The following ANXA8 variants were observed in gnomAD, a reference collection of about 807,000 sequenced individuals.
ANXA8 encodes VAC-beta.
In ANXA8, 9 loss-of-function variants were observed where a neutral mutation model predicts 26.8. The observed-to-expected ratio is 0.34, with a 90% CI of 0.20 to 0.59. The LOEUF is 0.59. Ranked by LOEUF, ANXA8 falls within the 20% of genes least tolerant of loss-of-function variation. ANXA8 has a pLI of 0.84. For synonymous variants in ANXA8, 39 were observed against 94.8 expected, an observed-to-expected ratio of 0.41 and a Z score of 3.42; for missense variants, 83 against 238.5, an observed-to-expected ratio of 0.35 and a Z score of 4.29.
At chr10:47,958,205 G>A in the ANXA8 span, among the ~76,000 whole-genome samples, 15 of 150,220 alleles carry the variant, frequency 1.0e-4, no homozygotes, top group Non-Finnish European at 1.5e-4. Context: ...CCAGCTCGGC[G>A]TGGTGGTTCA....
chr10:47,652,496 C>T, the ANXA8 span, among the ~76,000 whole-genome samples: 2 of 151,062 alleles, frequency 1.3e-5, no homozygotes, highest in African/African-American at 4.9e-5. Context: ...ACTGGGGAGG[C>T]TGAGGCACGA....
chr10:47,988,592 A>T, the ANXA8 span, among the ~76,000 whole-genome samples: 1 of 133,106 alleles, frequency 7.5e-6, no homozygotes, highest in South Asian at 2.8e-4. Flanking sequence ...TGGCCATGCC[A>T]TGGCAGTGTC....
chr10:47,525,908 G>A, the ANXA8 span, among the ~76,000 whole-genome samples: 2 of 129,506 alleles, frequency 1.5e-5, 1 homozygote, highest in East Asian at 6.5e-4. Context: ...GGGCTCAAGC[G>A]ATTCTCCTGC....
Position 47,483,993 on chromosome 10 carries a change from T to G in ANXA8, c.-60A>C. 2 of 1,611,682 alleles carry G rather than the reference T, an allele frequency of 1.2e-6. No homozygotes were observed. Among genetic ancestry groups the G allele is most frequent in the Non-Finnish European group, 1.7e-6 (2 of 1,179,854 alleles). On this transcript the variant is annotated 5_prime_UTR_variant, in exon 1 of 12. Transcript: ENST00000585281. The stretch of plus-strand genomic sequence containing the variant: ...TGAAGAGACACAGGTTGGCCTCTGC[T>G]GGGACTCCACACGTCTGGCTCCTGC...
the ANXA8 span, among the ~76,000 whole-genome samples, chr10:47,511,504 T>G: frequency 8.6e-6 from 1 of 116,170 alleles, no homozygotes; most frequent in East Asian, 4.3e-4. Context: ...GAGTATCACT[T>G]AAATATTCTC....
the ANXA8 span, among the ~76,000 whole-genome samples, chr10:47,733,223 CTTTCTTTCTCTCTTTCTT>C: frequency 5.4e-3 from 333 of 61,996 alleles, 1 homozygote; most frequent in African/African-American, 8.6e-3. Flanking sequence ...CTTTCTTTCT[CTTTCTTTCTCTCTTTCTT>C]TCTTTCTTTC....
At chr10:47,520,838 TAAAA>T in the ANXA8 span, among the ~76,000 whole-genome samples, 3 of 89,352 alleles carry the variant, frequency 3.4e-5, no homozygotes, top group East Asian at 9.1e-4. Flanking sequence ...CTCCTTTATT[TAAAA>T]AAAAAAAAAA....
the ANXA8 span, among the ~76,000 whole-genome samples, chr10:47,560,178 T>C: frequency 6.6e-6 from 1 of 151,840 alleles, no homozygotes; most frequent in Non-Finnish European, 1.5e-5. Flanking sequence ...TTCTAGAATA[T>C]TAGGCTTGCC....
At chr10:47,971,002 A>T in the ANXA8 span, among the ~76,000 whole-genome samples, 2 of 151,436 alleles carry the variant, frequency 1.3e-5, no homozygotes, top group Non-Finnish European at 3.0e-5. Context: ...GGAGGCCAGC[A>T]GGTGGAATCC....
the ANXA8 span, among the ~76,000 whole-genome samples, chr10:47,932,385 G>C: frequency 0.07 from 10,561 of 150,324 alleles, 452 homozygotes; most frequent in East Asian, 0.21. Flanking sequence ...CCAAACTCAA[G>C]TGGGTGATGG....
At chr10:47,896,904 TTTTA>T in the ANXA8 span, among the ~76,000 whole-genome samples, 4 of 146,002 alleles carry the variant, frequency 2.7e-5, no homozygotes, top group Admixed American at 6.8e-5. Context: ...AATGAAGAGA[TTTTA>T]TTTATTTATT....
the ANXA8 span, among the ~76,000 whole-genome samples, chr10:47,947,626 C>T: frequency 1.3e-5 from 2 of 150,854 alleles, no homozygotes; most frequent in Non-Finnish European, 2.9e-5. Flanking sequence ...GAGATTACCA[C>T]TTCCCCTCCT....
chr10:47,695,254 A>G, the ANXA8 span, among the ~76,000 whole-genome samples: 1 of 151,722 alleles, frequency 6.6e-6, no homozygotes, highest in Non-Finnish European at 1.5e-5. Flanking sequence ...TAATGCTCTG[A>G]TTAATGACTC....
At chr10:47,969,128 G>A in the ANXA8 span, among the ~76,000 whole-genome samples, 5 of 150,906 alleles carry the variant, frequency 3.3e-5, no homozygotes, top group African/African-American at 9.7e-5. Flanking sequence ...TGGAGGTGGA[G>A]AGGAAGTTGT....
At chr10:47,680,527 C>T in the ANXA8 span, among the ~76,000 whole-genome samples, 6 of 151,496 alleles carry the variant, frequency 4.0e-5, no homozygotes, top group Non-Finnish European at 8.8e-5. Flanking sequence ...TCCAGCTACT[C>T]GGGAGACTGA....
At chr10:47,969,724 T>C in the ANXA8 span, among the ~76,000 whole-genome samples, 1 of 149,624 alleles carries the variant, frequency 6.7e-6, no homozygotes, top group Non-Finnish European at 1.5e-5. Context: ...TCTTCTTTTT[T>C]CTTTTCTAAG....
the ANXA8 span, among the ~76,000 whole-genome samples, chr10:47,636,575 G>A: frequency 7.0e-6 from 1 of 143,884 alleles, no homozygotes; most frequent in Non-Finnish European, 1.5e-5. Context: ...GGATGAGTTT[G>A]GACCAATATC....
chr10:47,498,471 A>G, the ANXA8 span, among the ~76,000 whole-genome samples: 1 of 142,728 alleles, frequency 7.0e-6, no homozygotes, highest in Non-Finnish European at 1.5e-5. Context: ...GTGTACACAT[A>G]TTTCTATGAG....
At chr10:47,706,041 C>A in the ANXA8 span, among the ~76,000 whole-genome samples, 46 of 152,140 alleles carry the variant, frequency 3.0e-4, no homozygotes, top group African/African-American at 8.4e-4. Context: ...CGGTTCCGGG[C>A]GGTTGGGAGC....
Sources: gnomAD v4.1 joint callset for allele counts (sites outside exome capture counted in the v4.1 genomes callset) on GRCh38, gnomAD v4.1.1 for gene constraint, MANE v1.5 for transcripts, NCBI Gene and HGNC (gene_info 2026-07-23, HGNC 2026-07-21) for gene names.